The following LIPM variants were observed in gnomAD, a reference collection of about 807,000 sequenced individuals.
The protein encoded by LIPM is lipase member M.
A neutral mutation model predicts 42.4 loss-of-function variants in LIPM; 42 were observed. The ratio of observed to expected loss-of-function variants is 0.99; its 90% CI spans 0.77 to 1.28. The LOEUF is 1.28. Among genes scored for constraint, LIPM ranks in the 50% most tolerant of loss-of-function variants. LIPM has a pLI of 0.00. For synonymous variants in LIPM, 177 were observed against 173.3 expected (o/e 1.02, Z -0.17); for missense variants, 524 against 520.1 (o/e 1.01, Z -0.07).
Position 88,815,506 on chromosome 10 carries a change from A to G in LIPM, c.858+3A>G, listed in dbSNP as rs1564598502. The G allele has an allele frequency of 6.4e-7, 1 of 1,550,682 alleles. No individual in the cohort carries two copies. Among genetic ancestry groups the G allele is most frequent in the Non-Finnish European group, 8.7e-7 (1 of 1,146,396 alleles). On this transcript the variant is annotated splice_donor_region_variant and intron_variant, in intron 6 of 8. Transcript: ENST00000404743. ...TCAACACCAACAATATGAACATGGTAAGTGGGAGCCTAGTAAATTCCCAGC... is the reference window on the plus strand; with the variant it reads ...TCAACACCAACAATATGAACATGGTGAGTGGGAGCCTAGTAAATTCCCAGC...
At chr10:88,803,115 G>A (rs1042295805) in intron 1 of LIPM, 72 bp downstream of exon 1, 6 of 1,444,502 alleles carry the variant, frequency 4.2e-6, no homozygotes, top group Non-Finnish European at 5.6e-6. Context: ...TTTACATTAT[G>A]TATTATATTT....
intron 2 of LIPM, among the ~76,000 whole-genome samples, chr10:88,809,566 C>T (rs1843628940): frequency 6.6e-6 from 1 of 152,206 alleles, no homozygotes; most frequent in African/African-American, 2.4e-5. Flanking sequence ...GAAACTGCTA[C>T]TCACATATGT....
chr10:88,809,891 G>T (rs1306267737), intron 2 of LIPM, among the ~76,000 whole-genome samples: 1 of 152,108 alleles, frequency 6.6e-6, no homozygotes, highest in Non-Finnish European at 1.5e-5. Context: ...TGTTTCATCA[G>T]ATGTCTATGC....
chr10:88,820,094 AAC>A, intron 8 of LIPM, 136 bp from the exon 9 acceptor site: 3 of 658,788 alleles, frequency 4.6e-6, no homozygotes, highest in East Asian at 5.5e-5. Context: ...AGAAATTCTT[AAC>A]AGAGTTGTGT....
chr10:88,804,326 C>T (rs1807599666), intron 1 of LIPM, among the ~76,000 whole-genome samples: 1 of 152,146 alleles, frequency 6.6e-6, no homozygotes, highest in Non-Finnish European at 1.5e-5. Flanking sequence ...GTGTACCCAG[C>T]ACCTATACAC....
chr10:88,808,894 G>A (rs779214969), intron 2 of LIPM, among the ~76,000 whole-genome samples: 5 of 148,164 alleles, frequency 3.4e-5, no homozygotes, highest in Non-Finnish European at 5.9e-5. Flanking sequence ...TTTGAAAAAC[G>A]AAAGTTCTAT....
chr10:88,810,298 G>A (rs1843639053), intron 2 of LIPM, among the ~76,000 whole-genome samples: 2 of 152,164 alleles, frequency 1.3e-5, no homozygotes, highest in African/African-American at 4.8e-5. Flanking sequence ...GCAGTCGAGT[G>A]ACTTAGCAAT....
chr10:88,815,139 A>G lies in LIPM; in HGVS notation c.626A>G (p.Tyr209Cys). Residue 209 changes from tyrosine to cysteine, a missense_variant, in exon 5 of 9, where the codon TAT (tyrosine) becomes TGT (cysteine). Coordinates refer to ENST00000404743, the MANE Select transcript of LIPM (RefSeq NM_001128215.1). ...MPELAQKIKM[Y>C]FALAPIATVK... is the part of the protein sequence containing the mutation. ...GAGCTGGCTCAGAAAATCAAAATGT[A>G]TTTTGCTTTAGCACCCATAGCCACT... 2 of 1,551,302 alleles carry G rather than the reference A, an allele frequency of 1.3e-6. No individual in the cohort carries two copies. Among genetic ancestry groups the G allele is most frequent in the South Asian group, 1.2e-5 (1 of 83,840 alleles).
At chr10:88,807,540 T>C (rs776523827) in intron 1 of LIPM, among the ~76,000 whole-genome samples, 2 of 152,218 alleles carry the variant, frequency 1.3e-5, no homozygotes, top group Non-Finnish European at 2.9e-5. Flanking sequence ...TACATGTAAC[T>C]ACTGTATAGA....
intron 3 of LIPM, among the ~76,000 whole-genome samples, chr10:88,814,275 T>C (rs982564649): frequency 1.3e-5 from 2 of 152,158 alleles, no homozygotes; most frequent in African/African-American, 4.8e-5. Context: ...ATGTGCTCAG[T>C]AAATATTCAC....
At chr10:88,805,044 G>T (rs994843355) in intron 1 of LIPM, among the ~76,000 whole-genome samples, 2 of 152,076 alleles carry the variant, frequency 1.3e-5, no homozygotes, top group Non-Finnish European at 2.9e-5. Flanking sequence ...ATGGATTATG[G>T]TCTATCTTAT....
chr10:88,816,803 T>C lies in LIPM; in HGVS notation c.859-13T>C, dbSNP rs753672495. 1.3e-6 allele frequency: 2 copies of C among 1,546,122 alleles called. No individual in the cohort carries two copies. The highest frequency in any genetic ancestry group is 2.4e-5 in the East Asian group (1 of 40,886). ...TTTTCTATGTCCCCCAGAATACTCATGGTTTGTTACAGAGCCGAGCAAGTG... is the reference window on the plus strand; with the variant it reads ...TTTTCTATGTCCCCCAGAATACTCACGGTTTGTTACAGAGCCGAGCAAGTG... On this transcript the variant is annotated splice_polypyrimidine_tract_variant and intron_variant, in intron 6 of 8. Coordinates refer to ENST00000404743, the MANE Select transcript of LIPM (RefSeq NM_001128215.1).
chr10:88,814,217 C>T (rs1484830949), intron 3 of LIPM, among the ~76,000 whole-genome samples: 10 of 152,306 alleles, frequency 6.6e-5, no homozygotes, highest in South Asian at 2.1e-4. Context: ...GAGCCCTGTG[C>T]GGTTCTGCTT....
Position 88,820,482 on chromosome 10 carries a change from G to T in LIPM, c.1253G>T (p.Arg418Leu), listed in dbSNP as rs1442963658. ...GAGGAGACCAACCTTTCCCAGGGAC[G>T]GTGTGAGGCCGTATTGTGAAGCATC... ...QQEETNLSQG[R>L]CEAVL Residue 418 changes from arginine (R) to leucine (L), a missense_variant, in exon 9 of 9, where the codon CGG becomes CTG. Coordinates refer to ENST00000404743, the MANE Select transcript of LIPM (RefSeq NM_001128215.1). 1 of 1,551,126 alleles carries T rather than the reference G, an allele frequency of 6.4e-7. No individual in the cohort carries two copies.
intron 2 of LIPM, 34 bp downstream of exon 2, chr10:88,808,449 G>T: frequency 8.3e-7 from 1 of 1,202,264 alleles, no homozygotes; most frequent in Non-Finnish European, 1.2e-6. Flanking sequence ...CAACACAGCA[G>T]TCTTCTCTGC....
intron 7 of LIPM, 28 bp from the exon 8 acceptor site, chr10:88,817,797 T>A: frequency 1.3e-6 from 2 of 1,523,690 alleles, no homozygotes; most frequent in Non-Finnish European, 1.8e-6. Flanking sequence ...GACGTTGGAA[T>A]TCCTTGTAAA....
At chr10:88,814,690 C>A (rs1307578817) in intron 4 of LIPM, 51 bp downstream of exon 4, 1 of 1,326,544 alleles carries the variant, frequency 7.5e-7, no homozygotes, top group East Asian at 2.5e-5. Context: ...TGTGAGCATA[C>A]GACACTAGCT....
Position 88,820,261 on chromosome 10 carries a change from T to A in LIPM, c.1032T>A (p.Asp344Glu). ...CTCCTGTAAGGTACAGAGTCAGAGA[T>A]ATGACGGTCCCTACAGCAATGTGGA... is the stretch of plus-strand genomic sequence containing the variant. ...QPTPVRYRVR[D>E]MTVPTAMWTG... The change falls in exon 9 of 9, where the codon GAT becomes GAA. Residue 344 changes from aspartate (D) to glutamate (E), a missense_variant. Asp to Glu is a conservative substitution (Grantham distance 45). Coordinates refer to ENST00000404743, the MANE Select transcript of LIPM (RefSeq NM_001128215.1). The A allele has an allele frequency of 6.4e-7, 1 of 1,551,740 alleles. No individual in the cohort carries two copies. The highest frequency in any genetic ancestry group is 8.7e-7 in the Non-Finnish European group (1 of 1,147,022).
intron 3 of LIPM, 96 bp from the exon 4 acceptor site, chr10:88,814,434 C>A (rs2133058641): frequency 5.2e-6 from 4 of 763,166 alleles, no homozygotes; most frequent in Non-Finnish European, 6.6e-6. Context: ...TCAGAGTTGA[C>A]AACTCAAGGG....
Sources: allele counts gnomAD v4.1 joint callset (sites outside exome capture counted in the v4.1 genomes callset), GRCh38; gene constraint gnomAD v4.1.1; transcripts MANE v1.5; gene names NCBI Gene and HGNC (gene_info 2026-07-23, HGNC 2026-07-21).